The following ZNF652 variants were observed in gnomAD, a reference collection of about 807,000 sequenced individuals.
The protein encoded by ZNF652 is zinc finger protein 652.
A neutral mutation model predicts 45.2 loss-of-function variants in ZNF652; 16 were observed. The ratio of observed to expected loss-of-function variants is 0.35; its 90% confidence interval spans 0.24 to 0.54. The LOEUF (loss-of-function observed/expected upper bound fraction) is 0.54. ZNF652 is among the 20% of genes least tolerant of loss of function. The probability of loss-of-function intolerance (pLI) is 0.91; values close to 1 mark genes in which losing one functional copy is unlikely to be tolerated. For missense variants in ZNF652, 614 were observed against 765.6 expected, an observed-to-expected ratio of 0.80 and a Z score of 2.34; for synonymous variants, 250 against 260.6, an observed-to-expected ratio of 0.96 and a Z score of 0.39.
intron 1 of ZNF652, among the ~76,000 whole-genome samples, chr17:49,319,888 A>T (rs1485095782): frequency 1.3e-5 from 2 of 152,156 alleles, no homozygotes; most frequent in East Asian, 3.9e-4. Context: ...TTTTATCAAA[A>T]TAATCATTTT....
chr17:49,359,347 G>C (rs2070369410), intron 1 of ZNF652, among the ~76,000 whole-genome samples: 1 of 152,156 alleles, frequency 6.6e-6, no homozygotes, highest in Admixed American at 6.5e-5. Context: ...CAAACTTATA[G>C]GGTATGCTGC....
intron 1 of ZNF652, among the ~76,000 whole-genome samples, chr17:49,345,971 A>ATC (rs1274125595): frequency 6.6e-6 from 1 of 152,232 alleles, no homozygotes; most frequent in Non-Finnish European, 1.5e-5. Flanking sequence ...AATCAACATC[A>ATC]TCAAGCCTCA....
rs147522359 is a variant in ZNF652 at position 49,295,937 on chromosome 17, C to CAAAAAAAAAAAAAAAAAAAAAAAAAAAAA, written c.*2475_*2476insTTTTTTTTTTTTTTTTTTTTTTTTTTTTT. ...CAGGCAACAGAACAAGACTCTGCCTCAAAAAAAAAAAAAAAAAAAAAAAAA... is the reference window on the plus strand; with the variant it reads ...CAGGCAACAGAACAAGACTCTGCCTCAAAAAAAAAAAAAAAAAAAAAAAAAAAAAAAAAAAAAAAAAAAAAAAAAAAAAA... On this transcript the variant is annotated 3_prime_UTR_variant, in exon 6 of 6. Transcript: ENST00000430262. 1 of 51,222 alleles carries CAAAAAAAAAAAAAAAAAAAAAAAAAAAAA rather than the reference C, an allele frequency of 2.0e-5. No homozygotes were observed. The highest frequency in any genetic ancestry group is 3.6e-5 in the Non-Finnish European group (1 of 27,552). The allele number at this position is 51,222 out of a possible 1,614,324, so 3.2% of individuals were successfully genotyped here. A position where few individuals can be genotyped will look rare whatever the true frequency, so the allele number is the denominator to read the frequency against.
chr17:49,314,143 ACTCT>A (rs1190375382), intron 2 of ZNF652, among the ~76,000 whole-genome samples: 1 of 151,536 alleles, frequency 6.6e-6, no homozygotes, highest in Non-Finnish European at 1.5e-5. Context: ...TCTTAGTATT[ACTCT>A]CTCTCCTTTT....
Position 49,292,127 on chromosome 17 carries a change from A to G in ZNF652, c.*6286T>C, listed in dbSNP as rs1425604734. Reference sequence around the variant, plus strand: ...GACATGAGATTTTAAGTCAGAAAGGAAAAATGCTGACTAAGGCCCAAATGC... The same window carrying G: ...GACATGAGATTTTAAGTCAGAAAGGGAAAATGCTGACTAAGGCCCAAATGC... On this transcript the variant is annotated 3_prime_UTR_variant, in exon 6 of 6. Coordinates refer to ENST00000430262, the MANE Select transcript of ZNF652 (RefSeq NM_001145365.3). Among the ~76,000 whole-genome samples the G allele has an allele frequency of 6.6e-6, 1 of 152,220 alleles. No homozygotes were observed. The highest frequency in any genetic ancestry group is 6.5e-5 in the Admixed American group (1 of 15,284).
At position 49,289,995 on chromosome 17, in the gene ZNF652, T is replaced by C. The variant is rs528754857; in HGVS notation, c.*8418A>G. Reference sequence around the variant, plus strand: ...GATTTTCTTAAGAAATGAGGAAAAGTGCAAGTGATCTCAGTACTGTTGGGG... The same window carrying C: ...GATTTTCTTAAGAAATGAGGAAAAGCGCAAGTGATCTCAGTACTGTTGGGG... On this transcript the variant is annotated 3_prime_UTR_variant, in exon 6 of 6. Coordinates refer to ENST00000430262, the MANE Select transcript of ZNF652 (RefSeq NM_001145365.3). The C allele has an allele frequency of 6.6e-6, 1 of 152,358 alleles. No homozygotes were observed. The highest frequency in any genetic ancestry group is 2.4e-5 in the African/African-American group (1 of 41,584). The allele number at this position is 152,358 out of a possible 1,614,324, so 9.4% of individuals were successfully genotyped here.
intron 1 of ZNF652, among the ~76,000 whole-genome samples, chr17:49,348,039 C>A (rs2070225161): frequency 6.6e-6 from 1 of 152,018 alleles, no homozygotes; most frequent in Non-Finnish European, 1.5e-5. Context: ...AGCCACCACA[C>A]CCTACCAAAC....
At chr17:49,306,407 T>C (rs2069629227) in intron 5 of ZNF652, among the ~76,000 whole-genome samples, 1 of 152,194 alleles carries the variant, frequency 6.6e-6, no homozygotes, top group Admixed American at 6.6e-5. Context: ...AGGATTTTAT[T>C]TACAATTATA....
At chr17:49,354,488 A>G (rs7207761) in intron 1 of ZNF652, among the ~76,000 whole-genome samples, 118,507 of 151,412 alleles carry the variant, frequency 0.78, 46,607 homozygotes, top group African/African-American at 0.85. Flanking sequence ...ATTCACACCT[A>G]TAGTCCCAGC....
intron 1 of ZNF652, among the ~76,000 whole-genome samples, chr17:49,334,397 T>C (rs1295202900): frequency 6.6e-6 from 1 of 152,066 alleles, no homozygotes. Context: ...GGTGGGAATA[T>C]TGCTTGAGCC....
rs993400338 is a variant in ZNF652 at position 49,294,045 on chromosome 17, A to C, written c.*4368T>G. On this transcript the variant is annotated 3_prime_UTR_variant, in exon 6 of 6. Transcript: ENST00000430262. ...GAAACCTGCAAGATGGGGTAAATATACATATATCTGCAATGGATTTCTATC... is the reference window on the plus strand; with the variant it reads ...GAAACCTGCAAGATGGGGTAAATATCCATATATCTGCAATGGATTTCTATC... Among the ~76,000 whole-genome samples the C allele has an allele frequency of 6.6e-6, 1 of 152,144 alleles. No homozygotes were observed. The highest frequency in any genetic ancestry group is 1.5e-5 in the Non-Finnish European group (1 of 68,008).
At chr17:49,309,329 TAAAA>T (rs11307814) in intron 5 of ZNF652, among the ~76,000 whole-genome samples, 1,584 of 66,250 alleles carry the variant, frequency 0.024, 45 homozygotes, top group African/African-American at 0.087. Context: ...CTGTCTCTAC[TAAAA>T]AAAAAAAAAA....
At chr17:49,330,191 G>C (rs1030085356) in intron 1 of ZNF652, among the ~76,000 whole-genome samples, 10 of 152,144 alleles carry the variant, frequency 6.6e-5, no homozygotes, top group African/African-American at 2.2e-4. Context: ...AAACCAACCA[G>C]AAGAACATAT....
rs1282715146 is a variant in ZNF652 at position 49,330,636 on chromosome 17, G to C, written c.-258-12653C>G. 2.6e-5 allele frequency among the ~76,000 whole-genome samples: 4 copies of C among 151,852 alleles called. No individual in the cohort carries two copies. In the East Asian group the frequency reaches 7.7e-4, roughly 29 times the overall value. ...AGCGTTAGGTTTACAGGTGTTTACA[G>C]GTGTGAGCCACCACACCTGGCCAAA... On this transcript the variant is annotated intron_variant, in intron 1 of 5. Coordinates refer to ENST00000430262, the MANE Select transcript of ZNF652 (RefSeq NM_001145365.3).
At chr17:49,343,948 C>A (rs1175080717) in intron 1 of ZNF652, among the ~76,000 whole-genome samples, 1 of 152,102 alleles carries the variant, frequency 6.6e-6, no homozygotes, top group Non-Finnish European at 1.5e-5. Context: ...CCTGTAATCC[C>A]AGCACTTTGG....
intron 1 of ZNF652, chr17:49,322,458 GCTGA>G (rs2069905752): frequency 6.6e-6 from 1 of 152,184 alleles, no homozygotes; most frequent in Admixed American, 6.5e-5. Flanking sequence ...ATTTGATGAA[GCTGA>G]GAGAACAGTC....
intron 5 of ZNF652, among the ~76,000 whole-genome samples, chr17:49,305,447 AAAATAAAT>A (rs1458443768): frequency 6.6e-6 from 1 of 152,180 alleles, no homozygotes; most frequent in Non-Finnish European, 1.5e-5. Context: ...ACTCTGTTTC[AAAATAAAT>A]AAATAAATAA....
At chr17:49,329,187 A>G (rs925024292) in intron 1 of ZNF652, among the ~76,000 whole-genome samples, 1 of 152,200 alleles carries the variant, frequency 6.6e-6, no homozygotes, top group African/African-American at 2.4e-5. Context: ...CACAGTAACC[A>G]CTTTTAACAA....
chr17:49,344,707 G>A (rs1242419231), intron 1 of ZNF652, among the ~76,000 whole-genome samples: 4 of 152,014 alleles, frequency 2.6e-5, no homozygotes, highest in African/African-American at 9.7e-5. Flanking sequence ...TTTTAACGGA[G>A]ACGGAGTTTC....
Sources: allele counts gnomAD v4.1 joint callset (sites outside exome capture counted in the v4.1 genomes callset), GRCh38; gene constraint gnomAD v4.1.1; transcripts MANE v1.5; gene names NCBI Gene and HGNC (gene_info 2026-07-23, HGNC 2026-07-21).